The following FHIT variants were observed in gnomAD, a reference collection of about 807,000 sequenced individuals.
FHIT encodes bis(5'-adenosyl)-triphosphatase.
A neutral mutation model predicts 17.9 loss-of-function variants in FHIT; 19 were observed. That is an observed-to-expected ratio of 1.06 (90% confidence interval 0.74 to 1.56). The LOEUF is 1.56. Among genes scored for constraint, FHIT ranks in the 40% most tolerant of loss-of-function variants. The pLI is 0.00. For synonymous variants in FHIT, 81 were observed against 69.7 expected, an observed-to-expected ratio of 1.16 and a Z score of -0.81; for missense variants, 248 against 189.2, an observed-to-expected ratio of 1.31 and a Z score of -1.82.
chr3:59,985,377 G>A (rs1238533780), intron 7 of FHIT, among the ~76,000 whole-genome samples: 12 of 152,100 alleles, frequency 7.9e-5, no homozygotes, highest in Non-Finnish European at 1.8e-4. Flanking sequence ...TAAAACCTTA[G>A]AGTATTATCA....
At chr3:60,274,766 C>A (rs1707040392) in intron 5 of FHIT, among the ~76,000 whole-genome samples, 1 of 152,174 alleles carries the variant, frequency 6.6e-6, no homozygotes, top group African/African-American at 2.4e-5. Flanking sequence ...AAGAGAGATT[C>A]ATGGCCTTAG....
At chr3:60,487,580 C>A (rs1173556200) in intron 5 of FHIT, among the ~76,000 whole-genome samples, 2 of 152,174 alleles carry the variant, frequency 1.3e-5, no homozygotes, top group African/African-American at 4.8e-5. Flanking sequence ...GTTATGTATA[C>A]TTCAACAGGC....
intron 4 of FHIT, among the ~76,000 whole-genome samples, chr3:60,659,845 TTTG>T (rs1441541633): frequency 1.3e-5 from 2 of 152,122 alleles, no homozygotes; most frequent in Admixed American, 6.6e-5. Flanking sequence ...GTGCTGTGAT[TTTG>T]TTGTTGTTGT....
chr3:59,786,904 G>A (rs906116593), intron 8 of FHIT, among the ~76,000 whole-genome samples: 2 of 152,180 alleles, frequency 1.3e-5, no homozygotes, highest in African/African-American at 2.4e-5. Context: ...GTGAGGGTGT[G>A]GAGGTCATTT....
At chr3:60,010,122 C>A (rs1440130592) in intron 7 of FHIT, among the ~76,000 whole-genome samples, 1 of 152,168 alleles carries the variant, frequency 6.6e-6, no homozygotes. Flanking sequence ...CATTTGAATA[C>A]TGAGTTTTAA....
At chr3:60,224,070 G>T (rs1704080594) in intron 5 of FHIT, among the ~76,000 whole-genome samples, 1 of 152,002 alleles carries the variant, frequency 6.6e-6, no homozygotes, top group Non-Finnish European at 1.5e-5. Context: ...AACAATAATA[G>T]CAAACTTTTA....
intron 2 of FHIT, among the ~76,000 whole-genome samples, chr3:61,119,436 A>C (rs1045052993): frequency 1.4e-4 from 21 of 151,106 alleles, no homozygotes; most frequent in Non-Finnish European, 2.7e-4. Context: ...CTTGTCTTGA[A>C]CTCCTAACCT....
intron 3 of FHIT, among the ~76,000 whole-genome samples, chr3:60,980,332 G>A (rs1353316689): frequency 6.6e-6 from 1 of 152,132 alleles, no homozygotes; most frequent in Non-Finnish European, 1.5e-5. Context: ...CACAAAAAAT[G>A]TAAAGAATGA....
chr3:60,595,796 G>A (rs1001067883), intron 4 of FHIT, among the ~76,000 whole-genome samples: 11 of 150,964 alleles, frequency 7.3e-5, no homozygotes, highest in African/African-American at 2.4e-4. Flanking sequence ...GGCATGCACC[G>A]CCATGCCTGG....
At chr3:60,422,015 T>C (rs1702490094) in intron 5 of FHIT, among the ~76,000 whole-genome samples, 1 of 152,084 alleles carries the variant, frequency 6.6e-6, no homozygotes, top group Non-Finnish European at 1.5e-5. Context: ...AAGGACATAT[T>C]GGAGAGCTCT....
intron 3 of FHIT, among the ~76,000 whole-genome samples, chr3:61,009,538 C>T (rs908387361): frequency 2.0e-5 from 3 of 152,174 alleles, no homozygotes; most frequent in African/African-American, 7.2e-5. Context: ...AATTCATATA[C>T]TAGAGTTATT....
intron 3 of FHIT, among the ~76,000 whole-genome samples, chr3:60,845,384 A>G (rs1553746163): frequency 2.0e-5 from 3 of 152,094 alleles, no homozygotes; most frequent in African/African-American, 7.2e-5. Context: ...TAGAACTACC[A>G]TAGCTACTTA....
At chr3:60,961,643 A>T (rs1369363162) in intron 3 of FHIT, among the ~76,000 whole-genome samples, 1 of 152,198 alleles carries the variant, frequency 6.6e-6, no homozygotes, top group African/African-American at 2.4e-5. Context: ...AGCTTTCTAC[A>T]TATGGCTAGC....
chr3:60,435,376 T>A (rs1450555289), intron 5 of FHIT, among the ~76,000 whole-genome samples: 1 of 152,144 alleles, frequency 6.6e-6, no homozygotes, highest in Non-Finnish European at 1.5e-5. Context: ...TTAACAACTC[T>A]CCTGATGTGA....
chr3:59,795,475 AAAGAG>A (rs146484261), intron 8 of FHIT, among the ~76,000 whole-genome samples: 3,414 of 152,290 alleles, frequency 0.022, 126 homozygotes, highest in African/African-American at 0.075. Context: ...AAGCAAACCA[AAAGAG>A]AAGAGTGAGG....
chr3:60,917,087 A>G (rs1287621752), intron 3 of FHIT, among the ~76,000 whole-genome samples: 1 of 152,236 alleles, frequency 6.6e-6, no homozygotes, highest in Non-Finnish European at 1.5e-5. Flanking sequence ...ATTAAGCACC[A>G]TCTCAAAAAC....
chr3:60,634,785 G>C (rs1553683343), intron 4 of FHIT, among the ~76,000 whole-genome samples: 1 of 152,220 alleles, frequency 6.6e-6, no homozygotes, highest in Non-Finnish European at 1.5e-5. Context: ...AATGCTGTTT[G>C]CAAATATTGG....
intron 1 of FHIT, among the ~76,000 whole-genome samples, chr3:61,243,247 C>A (rs2040414406): frequency 6.6e-6 from 1 of 152,170 alleles, no homozygotes; most frequent in Non-Finnish European, 1.5e-5. Context: ...GACCTAACCA[C>A]CTCTTTAGGG....
intron 2 of FHIT, among the ~76,000 whole-genome samples, chr3:61,135,342 A>G (rs946671222): frequency 2.0e-5 from 3 of 152,228 alleles, no homozygotes; most frequent in Admixed American, 6.5e-5. Flanking sequence ...GTACTCCTCT[A>G]GGTCAAGGGC....
Sources: allele counts gnomAD v4.1 joint callset (sites outside exome capture counted in the v4.1 genomes callset), GRCh38; gene constraint gnomAD v4.1.1; transcripts MANE v1.5; gene names NCBI Gene and HGNC (gene_info 2026-07-23, HGNC 2026-07-21).